The following DOCK11 variants were observed in gnomAD, a reference collection of about 807,000 sequenced individuals.
DOCK11 encodes dedicator of cytokinesis 11, also known as dedicator of cytokinesis protein 11.
Under a neutral mutation model 169.1 loss-of-function variants are expected in DOCK11, and 70 were observed. That is an observed-to-expected ratio of 0.41 (90% CI 0.34 to 0.51). The LOEUF is 0.51. DOCK11 is among the 20% of genes least tolerant of loss of function. The probability of loss-of-function intolerance (pLI) is 0.10; values close to 1 mark genes in which losing one functional copy is unlikely to be tolerated. For synonymous variants in DOCK11, 529 were observed against 541.3 expected, an observed-to-expected ratio of 0.98 and a Z score of 0.32; for missense variants, 1,166 against 1,538.8, an observed-to-expected ratio of 0.76 and a Z score of 4.05.
At chrX:118,571,538 A>G (rs1015376646) in intron 10 of DOCK11, among the ~76,000 whole-genome samples, 1 of 110,155 alleles carries the variant, frequency 9.1e-6, no homozygotes, top group Non-Finnish European at 1.9e-5. Context: ...TTATAGAGAC[A>G]AGGGTCTCAC....
At chrX:118,577,192 AGCGTAACACTGCACTCAAGGTGCACT>A (rs2013473930) in intron 12 of DOCK11, among the ~76,000 whole-genome samples, 1 of 112,466 alleles carries the variant, frequency 8.9e-6, no homozygotes. Context: ...TGTGGCAGTT[AGCGTAACACTGCACTCAAGGTGCACT>A]GCTCAGCATA....
intron 44 of DOCK11, among the ~76,000 whole-genome samples, chrX:118,657,195 C>T (rs1479687852): frequency 9.0e-6 from 1 of 110,949 alleles, no homozygotes; most frequent in Non-Finnish European, 1.9e-5. Context: ...AAACACCAAA[C>T]TGATACATTT....
chrX:118,672,686 T>A (rs369428454), intron 46 of DOCK11, among the ~76,000 whole-genome samples: 1 of 112,867 alleles, frequency 8.9e-6, no homozygotes, highest in South Asian at 3.6e-4. Context: ...GCGCCCGCCT[T>A]GGCCTCCCAA....
chrX:118,668,390 A>G (rs1175777983), intron 45 of DOCK11, among the ~76,000 whole-genome samples: 1 of 110,904 alleles, frequency 9.0e-6, no homozygotes, highest in Non-Finnish European at 1.9e-5. Context: ...ATGAGGTTGT[A>G]TATTACATTG....
chrX:118,553,037 G>A (rs752691108), intron 6 of DOCK11, among the ~76,000 whole-genome samples: 73 of 111,849 alleles, frequency 6.5e-4, no homozygotes, highest in African/African-American at 2.3e-3. Context: ...TCAATTTGTG[G>A]TTTCTAGTTA....
chrX:118,588,430 CTG>C lies in DOCK11; in HGVS notation c.2003_2004del (p.Val668GlyfsTer7). On this transcript the variant is annotated frameshift_variant, in exon 18 of 53. Coordinates refer to ENST00000276202, the MANE Select transcript of DOCK11 (RefSeq NM_144658.4). LOFTEE classifies it high-confidence loss of function. ...CATTTTAGGCAAGGAACATTGCAGT[CTG>C]TGTGGAATTCCGGGATTCAGATGAA... ...TFAKARNIAV[C>X]VEFRDSDESD... 1 of 1,191,567 alleles carries C rather than the reference CTG, an allele frequency of 8.4e-7. No homozygotes were observed. The highest frequency in any genetic ancestry group is 1.1e-6 in the Non-Finnish European group (1 of 886,107).
intron 40 of DOCK11, among the ~76,000 whole-genome samples, chrX:118,648,161 A>C (rs1276736894): frequency 1.3e-5 from 1 of 79,013 alleles, no homozygotes; most frequent in African/African-American, 5.0e-5. Context: ...ATATAATAAT[A>C]TAATATATAA....
intron 1 of DOCK11, among the ~76,000 whole-genome samples, chrX:118,519,695 A>G (rs1032827456): frequency 8.9e-6 from 1 of 112,300 alleles, no homozygotes; most frequent in African/African-American, 3.2e-5. Flanking sequence ...AATGTGGCCC[A>G]TATGTAAATC....
intron 24 of DOCK11, among the ~76,000 whole-genome samples, chrX:118,607,443 A>G (rs1257986958): frequency 5.0e-5 from 2 of 39,978 alleles, no homozygotes; most frequent in African/African-American, 1.0e-4. Flanking sequence ...TTTTTTTGAG[A>G]CAGAGTCTCG....
At chrX:118,632,815 C>CAT (rs2015277402) in intron 35 of DOCK11, 1 of 109,887 alleles carries the variant, frequency 9.1e-6, no homozygotes, top group Admixed American at 9.8e-5. Flanking sequence ...ATTTGCCAAA[C>CAT]ATTTTCAGGC....
Position 118,623,076 on chromosome X carries a change from G to A in DOCK11, c.3472-1463G>A, listed in dbSNP as rs111683473. On this transcript the variant is annotated intron_variant, in intron 31 of 52. Transcript: ENST00000276202. The stretch of plus-strand genomic sequence containing the variant: ...ACTAAAAAGGGACAAAAATTAGCCA[G>A]GCGTGGTGGTGGATACCTATAATCC... Among the ~76,000 whole-genome samples, 482 of 111,599 alleles carry A rather than the reference G, an allele frequency of 4.3e-3. 13 individuals carry two copies. The highest frequency in any genetic ancestry group is 0.033 in the South Asian group (88 of 2,664).
chrX:118,660,140 G>A (rs774244427), intron 44 of DOCK11, among the ~76,000 whole-genome samples: 16 of 111,615 alleles, frequency 1.4e-4, no homozygotes, highest in South Asian at 3.7e-4. Context: ...CTCCTAATGC[G>A]CTACTGCACA....
chrX:118,526,343 T>C (rs991799729), intron 1 of DOCK11, among the ~76,000 whole-genome samples: 2 of 112,449 alleles, frequency 1.8e-5, no homozygotes, highest in Non-Finnish European at 3.8e-5. Context: ...CTGTTATCTC[T>C]TGTTTCCTCT....
At chrX:118,685,205 T>G (rs1158953682) in intron 52 of DOCK11, among the ~76,000 whole-genome samples, 1 of 112,402 alleles carries the variant, frequency 8.9e-6, no homozygotes, top group Non-Finnish European at 1.9e-5. Context: ...ACAATTATAA[T>G]GTGTCTTTAG....
chrX:118,644,999 G>C (rs2015619856), intron 40 of DOCK11, among the ~76,000 whole-genome samples: 2 of 112,014 alleles, frequency 1.8e-5, no homozygotes, highest in Non-Finnish European at 3.8e-5. Context: ...GGCAGTGACA[G>C]TGGATATATG....
chrX:118,524,767 C>G (rs558406757), intron 1 of DOCK11, among the ~76,000 whole-genome samples: 2 of 111,088 alleles, frequency 1.8e-5, no homozygotes, highest in African/African-American at 6.5e-5. Context: ...GACCTGGAAC[C>G]CTTGTGCATT....
intron 1 of DOCK11, among the ~76,000 whole-genome samples, chrX:118,516,087 C>CTT (rs1300617761): frequency 2.5e-4 from 16 of 63,700 alleles, no homozygotes; most frequent in African/African-American, 1.1e-3. Flanking sequence ...CTTTTCTTTT[C>CTT]TTTTTCTTTT....
intron 7 of DOCK11, among the ~76,000 whole-genome samples, chrX:118,562,782 GAA>G (rs1211460248): frequency 3.6e-5 from 4 of 112,340 alleles, no homozygotes; most frequent in African/African-American, 9.7e-5. Flanking sequence ...CTACTGCCGT[GAA>G]AAGTTTTGTG....
At chrX:118,674,357 G>A (rs898764677) in intron 46 of DOCK11, among the ~76,000 whole-genome samples, 2 of 111,541 alleles carry the variant, frequency 1.8e-5, no homozygotes, top group African/African-American at 6.5e-5. Context: ...TGTTGTCCAG[G>A]CTGGTCTCAA....
Sources: allele counts gnomAD v4.1 joint callset (sites outside exome capture counted in the v4.1 genomes callset), GRCh38; gene constraint gnomAD v4.1.1; transcripts MANE v1.5; gene names NCBI Gene and HGNC (gene_info 2026-07-23, HGNC 2026-07-21).